Variants in MRNIP observed in about 807,000 individuals in gnomAD.
MRNIP encodes the protein MRN complex interacting protein.
In MRNIP, 30 loss-of-function variants were observed where a neutral mutation model predicts 29.8. That is an observed-to-expected ratio of 1.01 (90% CI 0.75 to 1.36). The LOEUF is 1.36. Ranked by LOEUF, MRNIP falls within the 40% of genes most tolerant of loss-of-function variation. The pLI, the probability that MRNIP is intolerant of heterozygous loss-of-function variation, is 0.00. For synonymous variants in MRNIP, 201 were observed against 164.1 expected (o/e 1.23, Z -1.72); for missense variants, 459 against 423.5 (o/e 1.08, Z -0.74).
chr5:179,858,561 C>G (rs1759701083), intron 1 of MRNIP, among the ~76,000 whole-genome samples, 170 bp downstream of exon 1: 1 of 152,236 alleles, frequency 6.6e-6, no homozygotes, highest in Non-Finnish European at 1.5e-5. Flanking sequence ...AAACAAAAAG[C>G]TCAGAACGTT....
At position 179,837,904 on chromosome 5, in the gene MRNIP, A is replaced by G. The variant is rs781433632; in HGVS notation, c.538-19T>C. 4 of 1,595,342 alleles carry G rather than the reference A, an allele frequency of 2.5e-6. No homozygotes were observed. The highest frequency in any genetic ancestry group is 3.4e-6 in the Non-Finnish European group (4 of 1,175,876). Reference sequence around the variant, plus strand: ...CCTGTCCCTGAAAGAGAAGATGGCCATGCCCTCCATGTGTAAGAACAATGC... The same window carrying G: ...CCTGTCCCTGAAAGAGAAGATGGCCGTGCCCTCCATGTGTAAGAACAATGC... On this transcript the variant is annotated intron_variant, in intron 6 of 6. Transcript: ENST00000292586.
chr5:179,852,886 G>A (rs1476359632), intron 2 of MRNIP, among the ~76,000 whole-genome samples: 2 of 152,172 alleles, frequency 1.3e-5, no homozygotes, highest in East Asian at 3.9e-4. Flanking sequence ...TTTACAGCCT[G>A]CCCCTGCCTG....
In MRNIP at chr5:179,855,637, C is replaced by T. The variant is rs572022056; in HGVS notation, c.67-2200G>A. On this transcript the variant is annotated intron_variant, in intron 1 of 6. Coordinates refer to ENST00000292586, the MANE Select transcript of MRNIP (RefSeq NM_016175.4). ...ACAAATAAAATGTTACCAAGGGATACCAAGGTTACTTGAAGAAACGTAATG... is the reference window on the plus strand; with the variant it reads ...ACAAATAAAATGTTACCAAGGGATATCAAGGTTACTTGAAGAAACGTAATG... 1.6e-4 allele frequency among the ~76,000 whole-genome samples: 25 copies of T among 152,200 alleles called. No homozygotes were observed. The South Asian group carries it at 2.5e-3, about 15-fold the overall frequency.
chr5:179,854,556 T>C (rs1759505029), intron 1 of MRNIP, among the ~76,000 whole-genome samples: 1 of 152,098 alleles, frequency 6.6e-6, no homozygotes, highest in Non-Finnish European at 1.5e-5. Flanking sequence ...AGGCCAAGAC[T>C]ACTCGAGCCC....
At chr5:179,848,389 T>TA (rs1222950637) in intron 2 of MRNIP, among the ~76,000 whole-genome samples, 2 of 152,250 alleles carry the variant, frequency 1.3e-5, no homozygotes, top group African/African-American at 4.8e-5. Flanking sequence ...AAGTAACACA[T>TA]ATTGCCATAT....
chr5:179,842,032 C>A lies in MRNIP; in HGVS notation c.324G>T (p.Leu108=). ...EKSQPSESRW[L]KYLEKDSQEL... is the part of the protein sequence containing the mutation. ...CTTGGGAGTCCTTTTCTAGATACTT[C>A]AGCCAGCGACTCTCTGAGGGCTGCG... The change falls in exon 5 of 7, where the codon CTG becomes CTT. Residue 108 remains leucine, a synonymous_variant. Transcript: ENST00000292586. 6.2e-7 allele frequency: 1 copy of A among 1,614,138 alleles called. No individual in the cohort carries two copies. Among genetic ancestry groups the A allele is most frequent in the Non-Finnish European group, 8.5e-7 (1 of 1,180,014 alleles).
intron 2 of MRNIP, chr5:179,851,560 C>T (rs1368809771): frequency 7.2e-6 from 3 of 418,132 alleles, no homozygotes; most frequent in East Asian, 7.2e-5. Context: ...TTCAAGGGAC[C>T]GGGGATGAAG....
rs183878304 is a variant in MRNIP, at chr5:179,850,426, T to C, written c.127-2360A>G. 4.6e-5 allele frequency among the ~76,000 whole-genome samples: 7 copies of C among 152,364 alleles called. No homozygotes were observed. In the East Asian group the frequency reaches 1.2e-3, roughly 25 times the overall value. ...CATCTGTGATCAGACACACACACTA[T>C]ACGTGTCCAGTGTTCCTCAACACCC... On this transcript the variant is annotated intron_variant, in intron 2 of 6. Coordinates refer to ENST00000292586, the MANE Select transcript of MRNIP (RefSeq NM_016175.4).
intron 2 of MRNIP, among the ~76,000 whole-genome samples, chr5:179,851,761 G>A (rs1021662210): frequency 6.6e-6 from 1 of 151,968 alleles, no homozygotes; most frequent in Non-Finnish European, 1.5e-5. Context: ...GGCAGATCAC[G>A]AGGTCAGGAG....
intron 3 of MRNIP, chr5:179,846,174 C>T (rs934063928): frequency 2.0e-5 from 3 of 152,112 alleles, no homozygotes; most frequent in African/African-American, 7.2e-5. Context: ...ATGGGTCTGA[C>T]TTTTCTGACT....
intron 1 of MRNIP, among the ~76,000 whole-genome samples, chr5:179,857,594 C>A (rs919395741): frequency 6.6e-6 from 1 of 152,188 alleles, no homozygotes; most frequent in Non-Finnish European, 1.5e-5. Flanking sequence ...GGACCCAGCT[C>A]CCGAAAGAAA....
intron 6 of MRNIP, chr5:179,838,827 C>T (rs575851216): frequency 6.6e-6 from 1 of 152,110 alleles, no homozygotes; most frequent in South Asian, 2.1e-4. Context: ...AAAAAATTAG[C>T]CAACTGTGGT....
At position 179,837,408 on chromosome 5, in the gene MRNIP, A is replaced by C. The variant is rs563731385; in HGVS notation, c.1015T>G (p.Phe339Val). 1.9e-6 allele frequency: 3 copies of C among 1,593,398 alleles called. No individual in the cohort carries two copies. The highest frequency in any genetic ancestry group is 2.7e-5 in the African/African-American group (2 of 74,348). Residue 339 changes from phenylalanine to valine, a missense_variant, in exon 7 of 7, where the codon TTC (phenylalanine) becomes GTC (valine). Phe to Val is a conservative substitution (Grantham distance 50). Coordinates refer to ENST00000292586, the MANE Select transcript of MRNIP (RefSeq NM_016175.4). ...LCDLFITGED[F>V]DDDV is the part of the protein sequence containing the mutation. Reference sequence around the variant, plus strand: ...GTCCCAGATCACACATCATCATCGAAGTCTTCCCCAGTTATAAAGAGGTCA... The same window carrying C: ...GTCCCAGATCACACATCATCATCGACGTCTTCCCCAGTTATAAAGAGGTCA...
At position 179,837,657 on chromosome 5, in the gene MRNIP, G is replaced by C; in HGVS notation, c.766C>G (p.Pro256Ala). The C allele has an allele frequency of 6.2e-7, 1 of 1,614,224 alleles. No homozygotes were observed. The highest frequency in any genetic ancestry group is 8.5e-7 in the Non-Finnish European group (1 of 1,180,042). The change falls in exon 7 of 7, where the codon CCA becomes GCA. Residue 256 changes from proline (P) to alanine (A), a missense_variant. Physicochemically the swap from Pro to Ala is conservative, Grantham distance 27 (BLOSUM62 -1). Transcript: ENST00000292586. ...QPRSLQRDPRPAGPAQAKQGT... is the reference protein window; with the variant it reads ...QPRSLQRDPRAAGPAQAKQGT... ...TGCTTAGCCTGTGCTGGACCAGCTG[G>C]CCTGGGGTCCCTCTGAAGAGACCTT...
In MRNIP at chr5:179,840,889, C is replaced by A. The variant is rs142618454; in HGVS notation, c.520G>T (p.Ala174Ser). 3.7e-5 allele frequency: 59 copies of A among 1,610,492 alleles called. No homozygotes were observed. The highest frequency in any genetic ancestry group is 2.7e-4 in the Admixed American group (16 of 59,826). ...TCACTGACCTTCTGGGGTCCCCAGGCGACCTCAGAGCCACCCGAGTCCTGC... is the reference window on the plus strand; with the variant it reads ...TCACTGACCTTCTGGGGTCCCCAGGAGACCTCAGAGCCACCCGAGTCCTGC... The part of the protein sequence containing the change: ...GVQDSGGSEV[A>S]WGPQKGQAGL... The change falls in exon 6 of 7, where the codon GCC (alanine) becomes TCC (serine). Residue 174 changes from alanine (A) to serine (S), a missense_variant. Ala to Ser is a moderately conservative substitution (Grantham distance 99, BLOSUM62 1). Coordinates refer to ENST00000292586, the MANE Select transcript of MRNIP (RefSeq NM_016175.4).
chr5:179,858,047 A>G (rs537273620), intron 1 of MRNIP, among the ~76,000 whole-genome samples: 2 of 150,946 alleles, frequency 1.3e-5, no homozygotes, highest in Non-Finnish European at 2.9e-5. Flanking sequence ...GTCTGATGCT[A>G]TTCTTTCTCA....
rs150786805 is a variant in MRNIP, at chr5:179,837,449, C to T, written c.974G>A (p.Arg325Gln). ...GPLVLEAQNP[R>Q]PTRLCDLFIT... The stretch of plus-strand genomic sequence containing the variant: ...AAAGAGGTCACATAGTCGTGTGGGT[C>T]GAGGATTCTGTGCCTCCAGGACCAG... Residue 325 changes from arginine to glutamine, a missense_variant, in exon 7 of 7, where the codon CGA (arginine) becomes CAA (glutamine). By Grantham distance (43) the Arg-to-Gln change is conservative. Transcript: ENST00000292586. 1.1e-5 allele frequency: 18 copies of T among 1,611,890 alleles called. No homozygotes were observed. Among genetic ancestry groups the T allele is most frequent in the African/African-American group, 8.0e-5 (6 of 74,880 alleles).
chr5:179,841,794 T>C (rs1005483047), intron 5 of MRNIP, 113 bp downstream of exon 5: 34 of 1,170,132 alleles, frequency 2.9e-5, no homozygotes, highest in Non-Finnish European at 3.8e-5. Context: ...CTGCTGGCAC[T>C]TGCCACCTAG....
chr5:179,842,197 G>A, intron 4 of MRNIP, 133 bp from the exon 5 acceptor site: 1 of 855,514 alleles, frequency 1.2e-6, no homozygotes, highest in Non-Finnish European at 1.8e-6. Flanking sequence ...GGCACCGGCT[G>A]GAAGGTGATG....
Sources: allele counts gnomAD v4.1 joint callset (sites outside exome capture counted in the v4.1 genomes callset), GRCh38; gene constraint gnomAD v4.1.1; transcripts MANE v1.5; gene names NCBI Gene and HGNC (gene_info 2026-07-23, HGNC 2026-07-21).